Variants in NAPB observed in about 807,000 individuals in gnomAD.
NAPB encodes beta-soluble NSF attachment protein.
In NAPB, 26 loss-of-function variants were observed where a neutral mutation model predicts 44.7. The ratio of observed to expected loss-of-function variants is 0.58; its 90% CI spans 0.43 to 0.81. The LOEUF (loss-of-function observed/expected upper bound fraction) is 0.81. Ranked by LOEUF, NAPB falls within the 30% of genes least tolerant of loss-of-function variation. The pLI is 0.00. For synonymous variants in NAPB, 120 were observed against 116.8 expected, an observed-to-expected ratio of 1.03 and a Z score of -0.18; for missense variants, 315 against 356.4, an observed-to-expected ratio of 0.88 and a Z score of 0.94.
chr20:23,393,042 G>A (rs1984088080), intron 5 of NAPB, among the ~76,000 whole-genome samples: 1 of 152,054 alleles, frequency 6.6e-6, no homozygotes, highest in African/African-American at 2.4e-5. Flanking sequence ...ATCCCCGCAA[G>A]ACTCACTCAA....
chr20:23,411,639 A>T (rs1241369249), intron 1 of NAPB, among the ~76,000 whole-genome samples: 1 of 40,838 alleles, frequency 2.4e-5, no homozygotes, highest in African/African-American at 1.2e-4. Flanking sequence ...CAAACAGCTT[A>T]AAAAAAAAGG....
intron 1 of NAPB, among the ~76,000 whole-genome samples, chr20:23,419,839 T>G (rs1200526603): frequency 6.6e-6 from 1 of 152,258 alleles, no homozygotes; most frequent in Non-Finnish European, 1.5e-5. Context: ...TTGCAGCCTT[T>G]ATGCATTTCT....
chr20:23,403,328 C>T (rs1203839644), intron 1 of NAPB, among the ~76,000 whole-genome samples: 3 of 152,154 alleles, frequency 2.0e-5, no homozygotes, highest in African/African-American at 7.2e-5. Flanking sequence ...CAGGGCAGGG[C>T]ATGATGGCTC....
At chr20:23,399,579 C>T (rs951129481) in intron 2 of NAPB, among the ~76,000 whole-genome samples, 3 of 152,212 alleles carry the variant, frequency 2.0e-5, no homozygotes, top group African/African-American at 7.2e-5. Context: ...GAAACCAAGG[C>T]ACTGAACAAT....
intron 1 of NAPB, among the ~76,000 whole-genome samples, chr20:23,416,360 C>T (rs1986004043): frequency 6.6e-6 from 1 of 152,078 alleles, no homozygotes; most frequent in African/African-American, 2.4e-5. Context: ...ATCAGAAAAC[C>T]AAACAATTAT....
chr20:23,396,402 G>A (rs1212236069), intron 3 of NAPB, among the ~76,000 whole-genome samples: 1 of 152,112 alleles, frequency 6.6e-6, no homozygotes, highest in Admixed American at 6.5e-5. Context: ...CAAAATTTGG[G>A]ATCTGTGTGT....
chr20:23,395,740 C>T (rs1984311608), intron 3 of NAPB, among the ~76,000 whole-genome samples: 1 of 152,104 alleles, frequency 6.6e-6, no homozygotes, highest in Non-Finnish European at 1.5e-5. Context: ...AGCATACTAA[C>T]AAAATGAAGA....
At chr20:23,415,394 G>C (rs1985931652) in intron 1 of NAPB, among the ~76,000 whole-genome samples, 1 of 152,032 alleles carries the variant, frequency 6.6e-6, no homozygotes, top group Non-Finnish European at 1.5e-5. Flanking sequence ...AGAAGTTCAA[G>C]ACCAGCCTGG....
At chr20:23,421,253 G>C in intron 1 of NAPB, 52 bp downstream of exon 1, 3 of 1,417,982 alleles carry the variant, frequency 2.1e-6, no homozygotes, top group South Asian at 2.5e-5. Flanking sequence ...AAAGGAAGGG[G>C]GCCAAGTACG....
intron 1 of NAPB, among the ~76,000 whole-genome samples, chr20:23,420,565 C>T (rs1233251349): frequency 1.3e-5 from 2 of 152,016 alleles, no homozygotes; most frequent in Non-Finnish European, 2.9e-5. Flanking sequence ...CGCACCCACC[C>T]CTCCGGCTCC....
intron 7 of NAPB, among the ~76,000 whole-genome samples, chr20:23,389,704 G>C (rs999332425): frequency 6.6e-6 from 1 of 152,294 alleles, no homozygotes; most frequent in South Asian, 2.1e-4. Context: ...ACAGAGAGTA[G>C]ATTGTGTCTT....
intron 1 of NAPB, among the ~76,000 whole-genome samples, chr20:23,412,240 A>G (rs955415846): frequency 2.6e-5 from 4 of 152,200 alleles, no homozygotes; most frequent in African/African-American, 9.7e-5. Flanking sequence ...AAGCCATGGC[A>G]GAAGTGCCTT....
intron 2 of NAPB, among the ~76,000 whole-genome samples, chr20:23,401,113 T>G (rs771412085): frequency 3.3e-5 from 5 of 151,926 alleles, no homozygotes; most frequent in African/African-American, 1.2e-4. Flanking sequence ...AACATTCTGT[T>G]TGGGGAAAGA....
intron 1 of NAPB, among the ~76,000 whole-genome samples, chr20:23,420,526 T>G (rs1986316106): frequency 6.6e-6 from 1 of 151,864 alleles, no homozygotes. Context: ...CGCCCCCAGG[T>G]GCGCGTTCCA....
chr20:23,418,470 G>A (rs1986154939), intron 1 of NAPB, among the ~76,000 whole-genome samples: 1 of 152,136 alleles, frequency 6.6e-6, no homozygotes, highest in Non-Finnish European at 1.5e-5. Context: ...CACTACGTCT[G>A]TTTTCTGGCT....
intron 10 of NAPB, 47 bp from the exon 11 acceptor site, chr20:23,377,533 A>AAAAACAC (rs777674155): frequency 7.9e-7 from 1 of 1,259,298 alleles, no homozygotes; most frequent in East Asian, 2.4e-5. Flanking sequence ...TAAATACATT[A>AAAAACAC]AAAACACAAA....
intron 3 of NAPB, among the ~76,000 whole-genome samples, chr20:23,395,493 T>C (rs994725107): frequency 1.3e-5 from 2 of 152,174 alleles, no homozygotes; most frequent in African/African-American, 2.4e-5. Context: ...AATAAAACCA[T>C]AGAGGTTGTC....
intron 1 of NAPB, among the ~76,000 whole-genome samples, chr20:23,418,364 C>A (rs543586837): frequency 9.9e-5 from 15 of 152,168 alleles, no homozygotes; most frequent in Admixed American, 3.9e-4. Context: ...AACATGTATT[C>A]CAGTCTAGAA....
rs967703334 is a variant in NAPB at position 23,397,338 on chromosome 20, C to T, written c.179-150G>A. The stretch of plus-strand genomic sequence containing the variant: ...AAAATCCATGTGGTCCAGTGCACCT[C>T]GGGCAAATATAAAAATAACCAGAAT... On this transcript the variant is annotated intron_variant, in intron 2 of 10. Coordinates refer to ENST00000377026, the MANE Select transcript of NAPB (RefSeq NM_022080.3). 3.5e-5 allele frequency: 31 copies of T among 884,666 alleles called. No homozygotes were observed. In the South Asian group the frequency reaches 5.7e-4, roughly 16 times the overall value. 54.8% of individuals were successfully genotyped at this position (884,666 alleles called of 1,614,324 possible). A position where few individuals can be genotyped will look rare whatever the true frequency, so the allele number is the denominator to read the frequency against.
Sources: allele counts gnomAD v4.1 joint callset (sites outside exome capture counted in the v4.1 genomes callset), GRCh38; gene constraint gnomAD v4.1.1; transcripts MANE v1.5; gene names NCBI Gene and HGNC (gene_info 2026-07-23, HGNC 2026-07-21).